The following RGS17 variants were observed in gnomAD, a reference collection of about 807,000 sequenced individuals.
The protein encoded by RGS17 is regulator of G protein signaling 17.
A neutral mutation model predicts 25.5 loss-of-function variants in RGS17; 12 were observed. That is an observed-to-expected ratio of 0.47 (90% CI 0.30 to 0.76). RGS17 has a LOEUF of 0.76. RGS17 is among the 30% of genes least tolerant of loss of function. The probability of loss-of-function intolerance (pLI) is 0.07; values close to 1 mark genes in which losing one functional copy is unlikely to be tolerated. For synonymous variants in RGS17, 71 were observed against 76.9 expected (o/e 0.92, Z 0.40); for missense variants, 196 against 242.2 (o/e 0.81, Z 1.27).
At chr6:153,112,382 T>C (rs530774630) in intron 1 of RGS17, among the ~76,000 whole-genome samples, 1 of 152,018 alleles carries the variant, frequency 6.6e-6, no homozygotes, top group Non-Finnish European at 1.5e-5. Context: ...GAAAAAAGAA[T>C]GAAAATGAAT....
At chr6:153,046,892 T>A (rs536586806) in intron 1 of RGS17, among the ~76,000 whole-genome samples, 150 of 152,256 alleles carry the variant, frequency 9.9e-4, no homozygotes, top group Middle Eastern at 3.4e-3. Flanking sequence ...TAAAGGAGTA[T>A]ACCACATGCT....
intron 2 of RGS17, among the ~76,000 whole-genome samples, chr6:153,033,788 T>C (rs950059647): frequency 6.6e-6 from 1 of 152,148 alleles, no homozygotes; most frequent in African/African-American, 2.4e-5. Flanking sequence ...GAATCTTCTA[T>C]ACCTCAGTTC....
intron 1 of RGS17, among the ~76,000 whole-genome samples, chr6:153,102,539 G>A (rs372608094): frequency 6.6e-6 from 1 of 152,112 alleles, no homozygotes; most frequent in Non-Finnish European, 1.5e-5. Context: ...GACCTGGTGA[G>A]AGGTGATTGG....
intron 1 of RGS17, among the ~76,000 whole-genome samples, chr6:153,126,871 TA>T (rs1562341124): frequency 6.6e-6 from 1 of 152,192 alleles, no homozygotes; most frequent in Admixed American, 6.5e-5. Context: ...TAAATCGCAT[TA>T]AAAATATCAA....
At chr6:153,069,739 CGT>C (rs60117149) in intron 1 of RGS17, among the ~76,000 whole-genome samples, 307 of 141,004 alleles carry the variant, frequency 2.2e-3, no homozygotes, top group Admixed American at 3.7e-3. Flanking sequence ...ATATACACCT[CGT>C]GTGTGTGTGT....
In RGS17 at chr6:153,083,122, G is replaced by A. The variant is rs116677653; in HGVS notation, c.-25-39079C>T. On this transcript the variant is annotated intron_variant, in intron 1 of 4. Coordinates refer to ENST00000206262, the MANE Select transcript of RGS17 (RefSeq NM_012419.5). ...TACTCCGGAAAGACTCAAAAAGACC[G>A]TAGGCAGATTTCTGAAGTTCTTTAT... Among the ~76,000 whole-genome samples, 1,269 of 152,208 alleles carry A rather than the reference G, an allele frequency of 8.3e-3. 24 individuals carry two copies. The highest frequency in any genetic ancestry group is 0.029 in the African/African-American group (1,209 of 41,544).
chr6:153,041,918 G>A (rs924942227), intron 2 of RGS17, among the ~76,000 whole-genome samples: 7 of 152,074 alleles, frequency 4.6e-5, no homozygotes, highest in Non-Finnish European at 2.9e-5. Context: ...TGCTTACTGT[G>A]TGTCAGACAC....
intron 2 of RGS17, among the ~76,000 whole-genome samples, chr6:153,036,227 A>T (rs1776237621): frequency 6.6e-6 from 1 of 151,984 alleles, no homozygotes. Context: ...TAATTTTAAA[A>T]TTTTTTGTAG....
intron 1 of RGS17, among the ~76,000 whole-genome samples, chr6:153,124,705 G>C (rs1777680871): frequency 6.6e-6 from 1 of 152,010 alleles, no homozygotes; most frequent in African/African-American, 2.4e-5. Flanking sequence ...TACATTCTCT[G>C]CTTTTAAAGT....
intron 1 of RGS17, among the ~76,000 whole-genome samples, chr6:153,091,139 G>A (rs2129121615): frequency 6.6e-6 from 1 of 152,212 alleles, no homozygotes; most frequent in African/African-American, 2.4e-5. Flanking sequence ...AAAGTTACAA[G>A]GGAAAAAGAA....
chr6:153,103,476 G>C (rs746124206), intron 1 of RGS17, among the ~76,000 whole-genome samples: 12 of 152,122 alleles, frequency 7.9e-5, no homozygotes, highest in Non-Finnish European at 1.5e-4. Context: ...CTCAAGTGCT[G>C]CTACCACCCT....
chr6:153,020,790 T>C (rs1293986327), intron 4 of RGS17, among the ~76,000 whole-genome samples: 2 of 152,142 alleles, frequency 1.3e-5, no homozygotes, highest in Non-Finnish European at 2.9e-5. Context: ...GAAACATGCA[T>C]AGAATTTCAG....
intron 1 of RGS17, among the ~76,000 whole-genome samples, chr6:153,129,027 G>T (rs901361217): frequency 6.6e-6 from 1 of 152,204 alleles, no homozygotes; most frequent in African/African-American, 2.4e-5. Flanking sequence ...TAATCGTTCA[G>T]ACTAATTTCA....
At chr6:153,099,381 A>C (rs1222084343) in intron 1 of RGS17, among the ~76,000 whole-genome samples, 1 of 152,208 alleles carries the variant, frequency 6.6e-6, no homozygotes, top group Non-Finnish European at 1.5e-5. Flanking sequence ...ATTTGGGCTA[A>C]ATTTTAAATA....
intron 1 of RGS17, among the ~76,000 whole-genome samples, chr6:153,082,071 G>T (rs1007139026): frequency 6.6e-6 from 1 of 152,134 alleles, no homozygotes; most frequent in African/African-American, 2.4e-5. Flanking sequence ...CTTCTGGCTT[G>T]CATAGTGTTT....
rs550989575 is a variant in RGS17 at position 153,018,419 on chromosome 6, T to G, written c.444+5843A>C. On this transcript the variant is annotated intron_variant, in intron 4 of 4. Transcript: ENST00000206262. ...CTTTGAGTATCAGTTTCTTTTGCTGTAAAGTGGTACCATCGGTCCTCGTGG... is the reference window on the plus strand; with the variant it reads ...CTTTGAGTATCAGTTTCTTTTGCTGGAAAGTGGTACCATCGGTCCTCGTGG... Among the ~76,000 whole-genome samples, 4 of 152,320 alleles carry G rather than the reference T, an allele frequency of 2.6e-5. No homozygotes were observed. In the East Asian group the frequency reaches 7.7e-4, roughly 29 times the overall value.
chr6:153,020,127 T>C (rs1483582916), intron 4 of RGS17, among the ~76,000 whole-genome samples: 3 of 95,978 alleles, frequency 3.1e-5, no homozygotes, highest in African/African-American at 1.2e-4. Context: ...TATATATATA[T>C]ATATATATAT....
intron 1 of RGS17, 38 bp from the exon 2 acceptor site, chr6:153,044,081 G>T: frequency 1.0e-6 from 1 of 984,632 alleles, no homozygotes; most frequent in Non-Finnish European, 1.6e-6. Flanking sequence ...TATGAAAAAA[G>T]CAATAAGGAT....
At position 153,130,954 on chromosome 6, in the gene RGS17, T is replaced by A. The variant is rs1025875268; in HGVS notation, c.-26+170A>T. On this transcript the variant is annotated intron_variant, in intron 1 of 4. Coordinates refer to ENST00000206262, the MANE Select transcript of RGS17 (RefSeq NM_012419.5). This position sits in a 1 kb window ranked among gnomAD's most constrained non-coding sequence, Gnocchi z 6.4. ...CCGCTCAGGGCGCCGCGGCCACAGC[T>A]GAGACCCCAGCGCCGCGCAGCCGCC... Among the ~76,000 whole-genome samples, 1 of 151,406 alleles carries A rather than the reference T, an allele frequency of 6.6e-6. No homozygotes were observed. Among genetic ancestry groups the A allele is most frequent in the Non-Finnish European group, 1.5e-5 (1 of 67,808 alleles).
Sources: allele counts gnomAD v4.1 joint callset (sites outside exome capture counted in the v4.1 genomes callset), GRCh38; gene constraint gnomAD v4.1.1; non-coding constraint Gnocchi (gnomAD v3.1); transcripts MANE v1.5; gene names NCBI Gene and HGNC (gene_info 2026-07-23, HGNC 2026-07-21).